Variants in RALGAPA1 observed in about 807,000 individuals in gnomAD.
RALGAPA1 encodes Ral GTPase activating protein catalytic subunit alpha 1, also known as ral GTPase-activating protein subunit alpha-1.
Under a neutral mutation model 269.6 loss-of-function variants are expected in RALGAPA1, and 52 were observed. That is an observed-to-expected ratio of 0.19 (90% CI 0.15 to 0.24). The LOEUF is 0.24. Ranked by LOEUF, RALGAPA1 falls within the 10% of genes least tolerant of loss-of-function variation. RALGAPA1 has a pLI of 1.00. For synonymous variants in RALGAPA1, 817 were observed against 1,008.3 expected, an observed-to-expected ratio of 0.81 and a Z score of 3.60; for missense variants, 1,917 against 3,013.9, an observed-to-expected ratio of 0.64 and a Z score of 8.52.
intron 5 of RALGAPA1, 70 bp from the exon 6 acceptor site, chr14:35,761,076 GT>G (rs1276741721): frequency 8.4e-7 from 1 of 1,188,656 alleles, no homozygotes; most frequent in African/African-American, 1.5e-5. Context: ...GAAAAACAAA[GT>G]TCTCTAGATG....
At chr14:35,687,126 T>A (rs934853862) in intron 18 of RALGAPA1, among the ~76,000 whole-genome samples, 2 of 152,222 alleles carry the variant, frequency 1.3e-5, no homozygotes, top group Non-Finnish European at 2.9e-5. Context: ...ATGGTTTTGA[T>A]ATACTGCTGT....
chr14:35,600,617 CT>C (rs1254679866), intron 36 of RALGAPA1, among the ~76,000 whole-genome samples: 6 of 152,220 alleles, frequency 3.9e-5, no homozygotes, highest in African/African-American at 1.4e-4. Flanking sequence ...TCCCACTCCA[CT>C]TGGTTGTTGG....
Position 35,625,410 on chromosome 14 carries a change from T to C in RALGAPA1, c.6880A>G (p.Lys2294Glu). Reference protein sequence around the residue: ...DKRRSFHLLKKNEKLLRELRN... With the variant: ...DKRRSFHLLKENEKLLRELRN... ...AGTTCTCTAAGTAGCTTTTCATTTT[T>C]CTTCAGGAGATGAAAGCTCCTCCTA... The change falls in exon 35 of 42, where the codon AAA becomes GAA. Residue 2294 changes from lysine to glutamate, a missense_variant. This residue lies in a region of RALGAPA1 where 132 missense variants were observed against 271.2 expected (regional missense o/e 0.49). Coordinates refer to ENST00000680220, the MANE Select transcript of RALGAPA1 (RefSeq NM_001346249.2). 1 of 1,610,456 alleles carries C rather than the reference T, an allele frequency of 6.2e-7. No homozygotes were observed. The highest frequency in any genetic ancestry group is 8.5e-7 in the Non-Finnish European group (1 of 1,178,588).
At chr14:35,691,434 A>G (rs890904572) in intron 17 of RALGAPA1, among the ~76,000 whole-genome samples, 2 of 152,202 alleles carry the variant, frequency 1.3e-5, no homozygotes, top group Non-Finnish European at 2.9e-5. Context: ...ACAGAGTCAA[A>G]AAGTCAGCTG....
At chr14:35,758,159 C>G (rs1469653301) in intron 6 of RALGAPA1, among the ~76,000 whole-genome samples, 5 of 144,148 alleles carry the variant, frequency 3.5e-5, no homozygotes, top group African/African-American at 1.0e-4. Context: ...GCACGAGAAT[C>G]GCTTGAACTG....
chr14:35,554,243 A>G (rs2055319547), intron 39 of RALGAPA1, among the ~76,000 whole-genome samples: 1 of 151,956 alleles, frequency 6.6e-6, no homozygotes, highest in African/African-American at 2.4e-5. Context: ...GAGTTTCCAC[A>G]TCATACATCT....
chr14:35,700,610 G>C (rs969454448), intron 16 of RALGAPA1, among the ~76,000 whole-genome samples: 1 of 152,170 alleles, frequency 6.6e-6, no homozygotes. Context: ...TCAAAACCAA[G>C]GGTTGAGAAA....
Position 35,539,666 on chromosome 14 carries a change from C to G in RALGAPA1, c.*48G>C, listed in dbSNP as rs1670731700. ...TACCTGCGTTGCTGTGGGAGTTTCA[C>G]TGGGTAGAATCTCTGGGTAGGAGCC... is the stretch of plus-strand genomic sequence containing the variant. On this transcript the variant is annotated 3_prime_UTR_variant, in exon 42 of 42. Coordinates refer to ENST00000680220, the MANE Select transcript of RALGAPA1 (RefSeq NM_001346249.2). 6.2e-7 allele frequency: 1 copy of G among 1,614,112 alleles called. No individual in the cohort carries two copies. The highest frequency in any genetic ancestry group is 8.5e-7 in the Non-Finnish European group (1 of 1,180,006).
At chr14:35,798,369 G>A (rs1012828507) in intron 1 of RALGAPA1, among the ~76,000 whole-genome samples, 1 of 151,320 alleles carries the variant, frequency 6.6e-6, no homozygotes, top group Non-Finnish European at 1.5e-5. Context: ...TAGAGACAGG[G>A]TCTTGCATTG....
chr14:35,723,756 T>C (rs948448152), intron 14 of RALGAPA1: 1 of 152,028 alleles, frequency 6.6e-6, no homozygotes, highest in African/African-American at 2.4e-5. Flanking sequence ...AAACTAAAGG[T>C]TGAAATTAAA....
At chr14:35,635,875 C>T (rs1477406532) in intron 31 of RALGAPA1, among the ~76,000 whole-genome samples, 1 of 152,078 alleles carries the variant, frequency 6.6e-6, no homozygotes, top group African/African-American at 2.4e-5. Flanking sequence ...GCTTAAAAGA[C>T]AACACATATC....
At chr14:35,557,664 T>C (rs1349580062) in intron 39 of RALGAPA1, among the ~76,000 whole-genome samples, 1 of 152,180 alleles carries the variant, frequency 6.6e-6, no homozygotes, top group African/African-American at 2.4e-5. Flanking sequence ...ATTACTGTTT[T>C]TGAAATACTG....
At chr14:35,563,480 G>C (rs778168577) in intron 39 of RALGAPA1, among the ~76,000 whole-genome samples, 1 of 152,118 alleles carries the variant, frequency 6.6e-6, no homozygotes, top group Non-Finnish European at 1.5e-5. Flanking sequence ...TGGAGCTGGG[G>C]AGGAGTACAG....
At chr14:35,612,370 C>CAAAAAAAA (rs1010725263) in intron 35 of RALGAPA1, among the ~76,000 whole-genome samples, 1 of 63,316 alleles carries the variant, frequency 1.6e-5, no homozygotes, top group African/African-American at 5.5e-5. Flanking sequence ...AACTCTGTTT[C>CAAAAAAAA]AAAAAAAAAA....
rs117047793 is a variant in RALGAPA1, at chr14:35,629,512, T to A, written c.5996-1561A>T. Among the ~76,000 whole-genome samples, 708 of 152,234 alleles carry A rather than the reference T, an allele frequency of 4.7e-3. 7 individuals carry two copies. The highest frequency in any genetic ancestry group is 0.031 in the South Asian group (151 of 4,814). On this transcript the variant is annotated intron_variant, in intron 33 of 41. Coordinates refer to ENST00000680220, the MANE Select transcript of RALGAPA1 (RefSeq NM_001346249.2). ...TACAAATTTATTTATTTATTTATTT[T>A]TTTATTTTTGAGATGGAGTCTCGCT...
chr14:35,773,924 A>ATTG (rs1253881750), intron 3 of RALGAPA1, among the ~76,000 whole-genome samples: 1 of 151,854 alleles, frequency 6.6e-6, no homozygotes, highest in African/African-American at 2.4e-5. Context: ...TATTATTATT[A>ATTG]TTATTATTTT....
At chr14:35,695,318 C>A (rs1398964459) in intron 17 of RALGAPA1, among the ~76,000 whole-genome samples, 1 of 152,030 alleles carries the variant, frequency 6.6e-6, no homozygotes, top group Non-Finnish European at 1.5e-5. Flanking sequence ...TCCTATTCTA[C>A]ACTGATGACA....
chr14:35,651,212 A>G (rs1404680838), intron 31 of RALGAPA1, among the ~76,000 whole-genome samples: 2 of 152,142 alleles, frequency 1.3e-5, no homozygotes, highest in Non-Finnish European at 1.5e-5. Flanking sequence ...AAATATGTTA[A>G]AGTATCTATA....
chr14:35,725,974 T>C (rs1055426871), intron 13 of RALGAPA1, among the ~76,000 whole-genome samples: 17 of 152,210 alleles, frequency 1.1e-4, no homozygotes, highest in Non-Finnish European at 2.1e-4. Flanking sequence ...ACCATAAAAC[T>C]ACCTTATTTA....
Sources: allele counts gnomAD v4.1 joint callset (sites outside exome capture counted in the v4.1 genomes callset), GRCh38; gene constraint gnomAD v4.1.1; regional missense constraint gnomAD v4.1.1; transcripts MANE v1.5; gene names NCBI Gene and HGNC (gene_info 2026-07-23, HGNC 2026-07-21).